Variants in LANCL2 observed in about 807,000 individuals in gnomAD.
LANCL2 encodes the protein LanC like glutathione S-transferase 2, also known as lanC-like protein 2.
Under a neutral mutation model 56.9 loss-of-function variants are expected in LANCL2, and 33 were observed. The observed-to-expected ratio is 0.58, with a 90% confidence interval of 0.44 to 0.78. LANCL2 has a LOEUF of 0.78. Ranked by LOEUF, LANCL2 falls within the 30% of genes least tolerant of loss-of-function variation. The pLI is 0.00. For missense variants in LANCL2, 562 were observed against 580.2 expected (o/e 0.97, Z 0.32); for synonymous variants, 233 against 228.2 (o/e 1.02, Z -0.19).
rs1440967295 is a variant in LANCL2 at position 55,365,728 on chromosome 7, A to G, written c.-298A>G. 4.2e-5 allele frequency: 12 copies of G among 284,888 alleles called. No homozygotes were observed. The East Asian group carries it at 6.8e-4, about 16-fold the overall frequency. The allele number at this position is 284,888 out of a possible 1,614,324, so 17.6% of individuals were successfully genotyped here. ...CACGGGGAAGGTGCGAGGAGGCGCG[A>G]GCAGGCTGTGAGCCGCTGGGCGCTC... On this transcript the variant is annotated 5_prime_UTR_variant, in exon 1 of 9. Transcript: ENST00000254770.
chr7:55,413,321 CAG>C (rs3840566), intron 6 of LANCL2, among the ~76,000 whole-genome samples: 5 of 152,336 alleles, frequency 3.3e-5, no homozygotes, highest in East Asian at 3.9e-4. Context: ...ACTGTACAGA[CAG>C]GGGCCCTCTG....
intron 6 of LANCL2, among the ~76,000 whole-genome samples, chr7:55,420,003 T>C (rs1248690041): frequency 1.3e-5 from 2 of 152,022 alleles, no homozygotes; most frequent in Non-Finnish European, 2.9e-5. Flanking sequence ...AAATCCAAAA[T>C]TATCTGGGCA....
At chr7:55,404,076 C>A (rs1790376242) in intron 5 of LANCL2, among the ~76,000 whole-genome samples, 1 of 152,162 alleles carries the variant, frequency 6.6e-6, no homozygotes, top group Admixed American at 6.5e-5. Context: ...CTCAAACATC[C>A]CTGACAACGA....
chr7:55,379,293 A>G (rs896057641), intron 1 of LANCL2, among the ~76,000 whole-genome samples: 1 of 152,238 alleles, frequency 6.6e-6, no homozygotes, highest in African/African-American at 2.4e-5. Context: ...ACTTAAACGT[A>G]CTTTAATCAG....
intron 5 of LANCL2, among the ~76,000 whole-genome samples, chr7:55,410,969 ATGT>A (rs894423440): frequency 2.6e-5 from 4 of 151,876 alleles, no homozygotes; most frequent in African/African-American, 7.3e-5. Context: ...TCACCCTGAG[ATGT>A]TGTGTGATGT....
At chr7:55,421,793 T>G (rs1328119835) in intron 6 of LANCL2, among the ~76,000 whole-genome samples, 1 of 152,236 alleles carries the variant, frequency 6.6e-6, no homozygotes, top group East Asian at 1.9e-4. Flanking sequence ...AGGCAGGTGG[T>G]TCTGCTTCCT....
At chr7:55,411,581 A>G (rs1790470266) in intron 5 of LANCL2, among the ~76,000 whole-genome samples, 1 of 152,248 alleles carries the variant, frequency 6.6e-6, no homozygotes, top group African/African-American at 2.4e-5. Context: ...GAAGGAAATC[A>G]AGTATTGGTA....
intron 1 of LANCL2, among the ~76,000 whole-genome samples, chr7:55,391,264 C>T (rs1020832714): frequency 4.0e-4 from 60 of 151,762 alleles, no homozygotes; most frequent in Non-Finnish European, 2.4e-4. Context: ...GTGATCCGCC[C>T]GCCTCGGCCT....
At chr7:55,382,711 G>C (rs1790082916) in intron 1 of LANCL2, among the ~76,000 whole-genome samples, 1 of 152,148 alleles carries the variant, frequency 6.6e-6, no homozygotes, top group Non-Finnish European at 1.5e-5. Flanking sequence ...GATGGCACCA[G>C]CTGGTGCATC....
chr7:55,393,133 A>G (rs1356114690), intron 2 of LANCL2, among the ~76,000 whole-genome samples: 1 of 152,248 alleles, frequency 6.6e-6, no homozygotes, highest in African/African-American at 2.4e-5. Flanking sequence ...TAAAGGATAT[A>G]AAAGATAACC....
chr7:55,402,371 G>A (rs1436034031), intron 5 of LANCL2, among the ~76,000 whole-genome samples: 7 of 92,948 alleles, frequency 7.5e-5, no homozygotes, highest in Admixed American at 1.8e-4. Flanking sequence ...CAGTAGGGGC[G>A]GCCAGGCAGA....
intron 5 of LANCL2, among the ~76,000 whole-genome samples, chr7:55,409,252 T>G (rs1790446059): frequency 1.3e-5 from 2 of 151,198 alleles, no homozygotes; most frequent in African/African-American, 4.9e-5. Flanking sequence ...CATGCCCGGC[T>G]AATTTTTTTT....
In LANCL2 at chr7:55,425,400, G is replaced by A. The variant is rs1322443611; in HGVS notation, c.1155G>A (p.Gln385=). Residue 385 remains glutamine, a synonymous_variant, in exon 7 of 9, where the codon CAG becomes CAA. Coordinates refer to ENST00000254770, the MANE Select transcript of LANCL2 (RefSeq NM_018697.4). The part of the protein sequence containing the change: ...YSFLSLYRLT[Q]DKKYLYRACK... The stretch of plus-strand genomic sequence containing the variant: ...TCCTGTCCCTTTACCGTCTCACGCA[G>A]GATAAGAAGTACCTCTACCGAGCTT... 1 of 1,613,966 alleles carries A rather than the reference G, an allele frequency of 6.2e-7. No individual in the cohort carries two copies. Among genetic ancestry groups the A allele is most frequent in the African/African-American group, 1.3e-5 (1 of 74,908 alleles).
chr7:55,400,290 C>T (rs1790306384), intron 4 of LANCL2, among the ~76,000 whole-genome samples, 186 bp downstream of exon 4: 1 of 152,152 alleles, frequency 6.6e-6, no homozygotes, highest in Non-Finnish European at 1.5e-5. Flanking sequence ...TACTCTCTTT[C>T]ATCTTGTATT....
rs1358641417 is a variant in LANCL2 at position 55,399,088 on chromosome 7, C to T, written c.530+458C>T. 5.9e-5 allele frequency among the ~76,000 whole-genome samples: 9 copies of T among 152,042 alleles called. No individual in the cohort carries two copies. The South Asian group carries it at 8.3e-4, about 14-fold the overall frequency. ...CTAGGGTCTGGTAGAGTATCTGGCA[C>T]GTGCTAGTCAGTTAATGTTTGTTGA... On this transcript the variant is annotated intron_variant, in intron 3 of 8. Coordinates refer to ENST00000254770, the MANE Select transcript of LANCL2 (RefSeq NM_018697.4).
At chr7:55,394,311 C>A (rs1230951336) in intron 2 of LANCL2, among the ~76,000 whole-genome samples, 1 of 152,162 alleles carries the variant, frequency 6.6e-6, no homozygotes, top group Non-Finnish European at 1.5e-5. Context: ...GTGGCTCATA[C>A]CTGTAATCCC....
intron 1 of LANCL2, among the ~76,000 whole-genome samples, chr7:55,374,431 A>G (rs1789978595): frequency 6.6e-6 from 1 of 152,246 alleles, no homozygotes; most frequent in Non-Finnish European, 1.5e-5. Flanking sequence ...TCTGCAAAAT[A>G]GCGTTATCTT....
At chr7:55,389,284 C>T (rs1790159464) in intron 1 of LANCL2, among the ~76,000 whole-genome samples, 1 of 152,168 alleles carries the variant, frequency 6.6e-6, no homozygotes, top group Admixed American at 6.5e-5. Context: ...GAAAAGGTGT[C>T]ACTCGGGGTT....
chr7:55,406,499 G>A (rs1050068949), intron 5 of LANCL2, among the ~76,000 whole-genome samples: 6 of 152,204 alleles, frequency 3.9e-5, no homozygotes, highest in African/African-American at 1.2e-4. Flanking sequence ...GACGGGCAGA[G>A]CAGGGTGAGC....
Sources: gnomAD v4.1 joint callset for allele counts (sites outside exome capture counted in the v4.1 genomes callset) on GRCh38, gnomAD v4.1.1 for gene constraint, MANE v1.5 for transcripts, NCBI Gene and HGNC (gene_info 2026-07-23, HGNC 2026-07-21) for gene names.